LOC128706665: variants seen among roughly 807,000 people sequenced by gnomAD.
At chr20:10,432,686 T>C in the LOC128706665 span, among the ~76,000 whole-genome samples, 1 of 147,888 alleles carries the variant, frequency 6.8e-6, no homozygotes, top group Non-Finnish European at 1.5e-5. Context: ...CCCAAACTTC[T>C]CCGGAGGCTA....
the LOC128706665 span, among the ~76,000 whole-genome samples, chr20:10,430,038 C>CA: frequency 0.48 from 72,831 of 151,918 alleles, 18,327 homozygotes; most frequent in Non-Finnish European, 0.56. Flanking sequence ...AAACAAAAAA[C>CA]AAAAAAACAA....
the LOC128706665 span, among the ~76,000 whole-genome samples, chr20:10,432,745 C>T: frequency 8.0e-6 from 1 of 124,610 alleles, no homozygotes; most frequent in Non-Finnish European, 1.6e-5. Flanking sequence ...GCACAGTGAG[C>T]AGAGATCCAG....
chr20:10,416,944 C>T, the LOC128706665 span, among the ~76,000 whole-genome samples: 2 of 152,098 alleles, frequency 1.3e-5, no homozygotes, highest in East Asian at 3.9e-4. Flanking sequence ...ATATGATCTG[C>T]AAAGCCTAAA....
chr20:10,427,773 G>A, the LOC128706665 span, among the ~76,000 whole-genome samples: 1 of 152,098 alleles, frequency 6.6e-6, no homozygotes, highest in Non-Finnish European at 1.5e-5. Context: ...CTCCAGTCTT[G>A]TAAAAACACA....
chr20:10,429,613 A>G, the LOC128706665 span, among the ~76,000 whole-genome samples: 3 of 152,148 alleles, frequency 2.0e-5, no homozygotes, highest in Non-Finnish European at 2.9e-5. Flanking sequence ...ATCATCTACT[A>G]AGCCATTCAA....
the LOC128706665 span, among the ~76,000 whole-genome samples, chr20:10,424,590 AAAAT>A: frequency 4.6e-5 from 7 of 152,218 alleles, no homozygotes; most frequent in African/African-American, 1.4e-4. Flanking sequence ...TACAAAAAAA[AAAAT>A]AGTTTTCAAA....
chr20:10,419,702 T>G, the LOC128706665 span, among the ~76,000 whole-genome samples: 1 of 152,170 alleles, frequency 6.6e-6, no homozygotes, highest in Non-Finnish European at 1.5e-5. Flanking sequence ...CCACCACAGT[T>G]GATCTAACCC....
the LOC128706665 span, among the ~76,000 whole-genome samples, chr20:10,418,258 G>A: frequency 1.4e-4 from 22 of 152,160 alleles, no homozygotes; most frequent in African/African-American, 5.1e-4. Context: ...CTGGCAAAAC[G>A]CTGTTAACTA....
At chr20:10,428,500 C>G in the LOC128706665 span, among the ~76,000 whole-genome samples, 1 of 152,162 alleles carries the variant, frequency 6.6e-6, no homozygotes, top group Non-Finnish European at 1.5e-5. Flanking sequence ...TAGGTATGAA[C>G]ACCTCTAACT....
At chr20:10,426,432 G>C in the LOC128706665 span, among the ~76,000 whole-genome samples, 1 of 152,182 alleles carries the variant, frequency 6.6e-6, no homozygotes, top group Non-Finnish European at 1.5e-5. Context: ...TTTTGGGACA[G>C]TCTCACTCTG....
chr20:10,431,408 C>T, the LOC128706665 span, among the ~76,000 whole-genome samples: 2 of 152,022 alleles, frequency 1.3e-5, no homozygotes, highest in South Asian at 2.1e-4. Context: ...AGACTACTAG[C>T]CTCAGGGGGG....
chr20:10,421,395 C>T, the LOC128706665 span, among the ~76,000 whole-genome samples: 1 of 120,948 alleles, frequency 8.3e-6, no homozygotes, highest in South Asian at 2.6e-4. Flanking sequence ...CTGCACTAGG[C>T]AACAGAATGA....
the LOC128706665 span, among the ~76,000 whole-genome samples, chr20:10,432,581 T>A: frequency 2.6e-5 from 4 of 151,952 alleles, no homozygotes; most frequent in African/African-American, 9.7e-5. Context: ...TCACCTGAGG[T>A]CAGGAGTTCA....
At chr20:10,419,706 C>T in the LOC128706665 span, among the ~76,000 whole-genome samples, 1 of 152,210 alleles carries the variant, frequency 6.6e-6, no homozygotes, top group East Asian at 1.9e-4. Context: ...CACAGTTGAT[C>T]TAACCCAGAG....
chr20:10,428,874 C>T, the LOC128706665 span, among the ~76,000 whole-genome samples: 1 of 152,060 alleles, frequency 6.6e-6, no homozygotes. Context: ...AAACTCCTTG[C>T]CTGCTGTCAG....
At chr20:10,414,982 T>C in the LOC128706665 span, among the ~76,000 whole-genome samples, 1 of 152,210 alleles carries the variant, frequency 6.6e-6, no homozygotes, top group African/African-American at 2.4e-5. Flanking sequence ...ACAACAACAA[T>C]AAAAATAGGA....
At chr20:10,431,474 G>A in the LOC128706665 span, among the ~76,000 whole-genome samples, 7 of 152,056 alleles carry the variant, frequency 4.6e-5, no homozygotes, top group South Asian at 1.3e-3. Flanking sequence ...ACAGGTTTGA[G>A]AAGATAATGG....
the LOC128706665 span, among the ~76,000 whole-genome samples, chr20:10,417,054 C>A: frequency 6.6e-6 from 1 of 151,952 alleles, no homozygotes; most frequent in African/African-American, 2.4e-5. Flanking sequence ...TAAAAGATCA[C>A]CTGGCCAACA....
the LOC128706665 span, among the ~76,000 whole-genome samples, chr20:10,420,136 T>C: frequency 3.9e-5 from 6 of 152,236 alleles, no homozygotes; most frequent in African/African-American, 1.4e-4. Context: ...GCTAAAATAG[T>C]TGATGTTAAG....
Sources: allele counts gnomAD v4.1 joint callset (sites outside exome capture counted in the v4.1 genomes callset), GRCh38; gene constraint gnomAD v4.1.1; transcripts MANE v1.5.